The following HMGCLL1 variants were observed in gnomAD, a reference collection of about 807,000 sequenced individuals.
HMGCLL1 encodes 3-hydroxymethyl-3-methylglutaryl-CoA lyase, cytoplasmic.
Under a neutral mutation model 39.1 loss-of-function variants are expected in HMGCLL1, and 36 were observed. That is an observed-to-expected ratio of 0.92 (90% CI 0.71 to 1.22). HMGCLL1 has a LOEUF of 1.22. Among genes scored for constraint, HMGCLL1 ranks in the 50% most tolerant of loss-of-function variants. The pLI is 0.00. For missense variants in HMGCLL1, 451 were observed against 416.5 expected (o/e 1.08, Z -0.72); for synonymous variants, 149 against 144.0 (o/e 1.03, Z -0.25).
the HMGCLL1 span, among the ~76,000 whole-genome samples, chr6:55,650,124 T>TACACACAC: frequency 1.4e-5 from 1 of 69,074 alleles, no homozygotes; most frequent in Non-Finnish European, 2.6e-5. Context: ...TATATATATA[T>TACACACAC]ATATATATAT....
chr6:55,515,350 C>A (rs568185885), intron 4 of HMGCLL1, among the ~76,000 whole-genome samples: 1 of 151,950 alleles, frequency 6.6e-6, no homozygotes, highest in East Asian at 1.9e-4. Context: ...ATGCCTCTAT[C>A]CAAAATAAAT....
At chr6:55,541,127 T>G (rs1769410724) in intron 3 of HMGCLL1, among the ~76,000 whole-genome samples, 1 of 152,078 alleles carries the variant, frequency 6.6e-6, no homozygotes, top group African/African-American at 2.4e-5. Context: ...CTAGTGATGT[T>G]TCAAAGATCA....
chr6:55,615,821 G>A, the HMGCLL1 span, among the ~76,000 whole-genome samples: 2 of 151,910 alleles, frequency 1.3e-5, no homozygotes, highest in Non-Finnish European at 2.9e-5. Flanking sequence ...TTATTCTTTG[G>A]GAAAGTTAAG....
the HMGCLL1 span, among the ~76,000 whole-genome samples, chr6:55,631,974 T>A: frequency 7.9e-5 from 12 of 152,268 alleles, no homozygotes; most frequent in Admixed American, 4.6e-4. Context: ...CTGGAAAGTT[T>A]TTCTGAAATT....
chr6:55,438,365 A>G (rs1360455876), intron 8 of HMGCLL1, among the ~76,000 whole-genome samples: 1 of 152,094 alleles, frequency 6.6e-6, no homozygotes, highest in African/African-American at 2.4e-5. Flanking sequence ...ATAAAGTATG[A>G]ATAAGCTGTC....
intron 1 of HMGCLL1, among the ~76,000 whole-genome samples, chr6:55,571,356 T>C (rs1771480952): frequency 6.6e-6 from 1 of 152,218 alleles, no homozygotes; most frequent in Admixed American, 6.5e-5. Flanking sequence ...TCAAGATAAC[T>C]GAATTCATTC....
At chr6:55,623,381 A>G in the HMGCLL1 span, among the ~76,000 whole-genome samples, 1 of 151,848 alleles carries the variant, frequency 6.6e-6, no homozygotes, top group Admixed American at 6.6e-5. Flanking sequence ...GTAGGCACTT[A>G]TTGCTCTAAA....
the HMGCLL1 span, among the ~76,000 whole-genome samples, chr6:55,627,432 T>G: frequency 6.6e-6 from 1 of 152,048 alleles, no homozygotes; most frequent in Non-Finnish European, 1.5e-5. Context: ...ACCTCATTAT[T>G]GTCTTCATTT....
At position 55,439,567 on chromosome 6, in the gene HMGCLL1, A is replaced by G; in HGVS notation, c.796-8T>C. On this transcript the variant is annotated splice_polypyrimidine_tract_variant and splice_region_variant and intron_variant, in intron 7 of 8. Coordinates refer to ENST00000274901, the MANE Select transcript of HMGCLL1 (RefSeq NM_001042406.2). ...CACCACATTAATTCCCATCTGGAAA[A>G]CAAACCAAACCACCTAAAGCTTGTG... 1 of 1,611,570 alleles carries G rather than the reference A, an allele frequency of 6.2e-7. No individual in the cohort carries two copies. Among genetic ancestry groups the G allele is most frequent in the Non-Finnish European group, 8.5e-7 (1 of 1,178,378 alleles).
At chr6:55,550,853 C>A (rs1770288464) in intron 1 of HMGCLL1, among the ~76,000 whole-genome samples, 1 of 151,600 alleles carries the variant, frequency 6.6e-6, no homozygotes, top group African/African-American at 2.4e-5. Flanking sequence ...GGGTAAAAAT[C>A]TTACAATGCA....
At chr6:55,515,732 C>G (rs1395797491) in intron 4 of HMGCLL1, among the ~76,000 whole-genome samples, 2 of 151,952 alleles carry the variant, frequency 1.3e-5, no homozygotes, top group Non-Finnish European at 2.9e-5. Context: ...TTTTAAATGA[C>G]TTTTTAAACA....
chr6:55,534,769 T>C (rs1402413053), intron 3 of HMGCLL1, among the ~76,000 whole-genome samples: 1 of 152,236 alleles, frequency 6.6e-6, no homozygotes, highest in Admixed American at 6.5e-5. Context: ...CAAATGTTGT[T>C]ATTGTTTTAA....
At chr6:55,524,960 TATTA>T (rs1389851411) in intron 3 of HMGCLL1, among the ~76,000 whole-genome samples, 1 of 150,382 alleles carries the variant, frequency 6.6e-6, no homozygotes, top group African/African-American at 2.4e-5. Flanking sequence ...TTACTATTAC[TATTA>T]ATTAATAGTA....
the HMGCLL1 span, among the ~76,000 whole-genome samples, chr6:55,610,831 G>T: frequency 9.2e-5 from 14 of 152,066 alleles, no homozygotes; most frequent in Non-Finnish European, 1.5e-4. Flanking sequence ...ATTAACAGTG[G>T]ATCTCTCAGC....
At chr6:55,646,262 T>C in the HMGCLL1 span, among the ~76,000 whole-genome samples, 1 of 151,866 alleles carries the variant, frequency 6.6e-6, no homozygotes, top group Admixed American at 6.6e-5. Flanking sequence ...TCTCAAATTT[T>C]ATTTATTTGG....
At chr6:55,577,628 C>T (rs1171420441) in intron 1 of HMGCLL1, among the ~76,000 whole-genome samples, 1 of 151,708 alleles carries the variant, frequency 6.6e-6, no homozygotes, top group Non-Finnish European at 1.5e-5. Context: ...ATGTGTAAAT[C>T]AGAAAATAAA....
chr6:55,552,210 T>C (rs1770373360), intron 1 of HMGCLL1, among the ~76,000 whole-genome samples: 1 of 151,974 alleles, frequency 6.6e-6, no homozygotes, highest in Non-Finnish European at 1.5e-5. Flanking sequence ...CCCGTAGTGA[T>C]CTATCTCTGT....
chr6:55,629,152 G>T, the HMGCLL1 span, among the ~76,000 whole-genome samples: 3,808 of 152,252 alleles, frequency 0.025, 66 homozygotes, highest in Non-Finnish European at 0.04. Context: ...CTAGCAACTT[G>T]TTGAATGGCT....
At chr6:55,655,069 T>C in the HMGCLL1 span, among the ~76,000 whole-genome samples, 14 of 151,972 alleles carry the variant, frequency 9.2e-5, no homozygotes, top group Non-Finnish European at 2.1e-4. Flanking sequence ...TTATAAATGT[T>C]TTTTCTTCAG....
Sources: gnomAD v4.1 joint callset for allele counts (sites outside exome capture counted in the v4.1 genomes callset) on GRCh38, gnomAD v4.1.1 for gene constraint, MANE v1.5 for transcripts, NCBI Gene and HGNC (gene_info 2026-07-23, HGNC 2026-07-21) for gene names.